TTC7A: variants seen among roughly 807,000 people sequenced by gnomAD.
TTC7A encodes tetratricopeptide repeat protein 7A.
A neutral mutation model predicts 103.7 loss-of-function variants in TTC7A; 110 were observed. That is an observed-to-expected ratio of 1.06 (90% CI 0.91 to 1.24). The LOEUF is 1.24. Ranked by LOEUF, TTC7A falls within the 50% of genes most tolerant of loss-of-function variation. The pLI is 0.00. For missense variants in TTC7A, 1,340 were observed against 1,116.3 expected, an observed-to-expected ratio of 1.20 and a Z score of -2.86; for synonymous variants, 521 against 467.9, an observed-to-expected ratio of 1.11 and a Z score of -1.47.
upstream of TTC7A, chr2:46,915,916 C>G: frequency 2.0e-6 from 2 of 985,090 alleles, no homozygotes; most frequent in Non-Finnish European, 2.4e-6. Context: ...GTGAGGACGG[C>G]TCGCGTGAGT....
At chr2:46,976,750 C>T (rs561071704) in intron 4 of TTC7A, among the ~76,000 whole-genome samples, 1 of 152,204 alleles carries the variant, frequency 6.6e-6, no homozygotes, top group African/African-American at 2.4e-5. Flanking sequence ...GTAGCACTAT[C>T]CCCCTTGTTG....
chr2:46,993,224 GA>G (rs1338407646), intron 5 of TTC7A, among the ~76,000 whole-genome samples: 9 of 152,218 alleles, frequency 5.9e-5, no homozygotes, highest in Non-Finnish European at 7.3e-5. Context: ...TTGCTGGGGG[GA>G]AAGAGGGAAA....
In TTC7A at chr2:47,007,481, G is replaced by A. The variant is rs765759063; in HGVS notation, c.1287+757G>A. 2.0e-5 allele frequency among the ~76,000 whole-genome samples: 3 copies of A among 152,210 alleles called. No individual in the cohort carries two copies. The highest frequency in any genetic ancestry group is 4.4e-5 in the Non-Finnish European group (3 of 68,020). ...ATAAGGTGGCATGAGCTTGCAGATT[G>A]TTCCAGGAGCTGTAAATATCCAGAG... On this transcript the variant is annotated intron_variant, in intron 10 of 19. Transcript: ENST00000319190. The surrounding 1 kb of genome is among the most constrained non-coding windows in gnomAD (Gnocchi z 4.9).
upstream of TTC7A, chr2:46,916,063 C>T (rs1668769757): frequency 1.0e-6 from 1 of 985,432 alleles, no homozygotes. Flanking sequence ...TAGGCAACGC[C>T]GGAAGCCCTC....
At chr2:46,960,467 T>C (rs1319928873) in intron 3 of TTC7A, among the ~76,000 whole-genome samples, 1 of 152,184 alleles carries the variant, frequency 6.6e-6, no homozygotes, top group Non-Finnish European at 1.5e-5. Context: ...CTGATGTATG[T>C]CTCTGATGTA....
chr2:47,003,999 G>T (rs973250848), intron 8 of TTC7A, among the ~76,000 whole-genome samples: 1 of 152,246 alleles, frequency 6.6e-6, no homozygotes, highest in Admixed American at 6.5e-5. Flanking sequence ...GTTGGTGGCT[G>T]TGTGGGTGGA....
At position 47,060,841 on chromosome 2, in the gene TTC7A, C is replaced by T. The variant is rs143675924; in HGVS notation, c.2225C>T (p.Pro742Leu). The T allele has an allele frequency of 1.2e-6, 2 of 1,614,060 alleles. No individual in the cohort carries two copies. The highest frequency in any genetic ancestry group is 2.2e-5 in the South Asian group (2 of 91,080). The part of the protein sequence containing the change: ...FCIQEAAGLF[P>L]TSHSVLYMRG... ...ATCCAGGAGGCGGCGGGCCTCTTCC[C>T]CACTTCTCACTCAGTACTCTATATG... The change falls in exon 19 of 20, where the codon CCC becomes CTC. Residue 742 changes from proline (P) to leucine (L), a missense_variant. Physicochemically the swap from Pro to Leu is moderately conservative, Grantham distance 98 (BLOSUM62 -3). Coordinates refer to ENST00000319190, the MANE Select transcript of TTC7A (RefSeq NM_020458.4).
chr2:46,937,102 C>T (rs576567776), upstream of TTC7A, among the ~76,000 whole-genome samples: 176 of 152,224 alleles, frequency 1.2e-3, 1 homozygote, highest in African/African-American at 4.1e-3. This position sits in a 1 kb window ranked among gnomAD's most constrained non-coding sequence, Gnocchi z 4.0. Flanking sequence ...GTGATCTGCC[C>T]ACCTTGGCCT....
intron 3 of TTC7A, chr2:46,958,514 G>A (rs955155533): frequency 7.7e-7 from 1 of 1,304,262 alleles, no homozygotes; most frequent in Non-Finnish European, 1.0e-6. Flanking sequence ...GGCTTCTTGG[G>A]GGAACACAGT....
Position 47,074,292 on chromosome 2 carries a change from A to G in TTC7A, c.*369A>G. On this transcript the variant is annotated 3_prime_UTR_variant, in exon 20 of 20. Transcript: ENST00000319190. ...ACTCCCCACTCTCAGCACAGTACAG[A>G]CTTCTGGATCTCTCTCAGGTCTTGC... 2.5e-5 allele frequency: 6 copies of G among 241,436 alleles called. No homozygotes were observed. The South Asian group carries it at 4.3e-4, about 17-fold the overall frequency. The allele number at this position is 241,436 out of a possible 1,614,324, so 15.0% of individuals were successfully genotyped here. A position where few individuals can be genotyped will look rare whatever the true frequency, so the allele number is the denominator to read the frequency against.
At chr2:46,975,642 C>T (rs966516404) in intron 4 of TTC7A, among the ~76,000 whole-genome samples, 4 of 151,884 alleles carry the variant, frequency 2.6e-5, no homozygotes, top group Non-Finnish European at 4.4e-5. Context: ...GCAGCGTTTG[C>T]GATAAGTATC....
intron 18 of TTC7A, among the ~76,000 whole-genome samples, chr2:47,052,795 G>T (rs914819977): frequency 6.6e-6 from 1 of 152,164 alleles, no homozygotes. Flanking sequence ...AGCTGCCCAC[G>T]TGAAGTTCTG....
rs1050186418 is a variant in TTC7A at position 47,007,847 on chromosome 2, C to G, written c.1287+1123C>G. On this transcript the variant is annotated intron_variant, in intron 10 of 19. Transcript: ENST00000319190. The surrounding 1 kb of genome is among the most constrained non-coding windows in gnomAD (Gnocchi z 4.9). ...GAGCATCTTGAAGTCACAGCATGAT[C>G]TCCTTGGCTCTGTGCTCAGCAGGGT... Among the ~76,000 whole-genome samples, 4 of 152,244 alleles carry G rather than the reference C, an allele frequency of 2.6e-5. No homozygotes were observed. The highest frequency in any genetic ancestry group is 9.6e-5 in the African/African-American group (4 of 41,470).
chr2:46,960,285 C>G (rs1672254469), intron 3 of TTC7A, among the ~76,000 whole-genome samples: 1 of 152,232 alleles, frequency 6.6e-6, no homozygotes, highest in Admixed American at 6.5e-5. Context: ...CTGTGGTCAG[C>G]TGCTCCCAAG....
At chr2:46,951,312 GAAA>G (rs941436371) in intron 2 of TTC7A, among the ~76,000 whole-genome samples, 1 of 142,828 alleles carries the variant, frequency 7.0e-6, no homozygotes, top group African/African-American at 2.6e-5. Context: ...GCAATTAAGA[GAAA>G]AAAAAAAAGA....
At position 47,046,440 on chromosome 2, in the gene TTC7A, C is replaced by G; in HGVS notation, c.1919+9C>G. On this transcript the variant is annotated intron_variant, in intron 16 of 19. Coordinates refer to ENST00000319190, the MANE Select transcript of TTC7A (RefSeq NM_020458.4). ...AGCTTCTCCCAGCTGGGGTGAGTGG[C>G]CGTCATTGTCTCTTGGGTTGCCAGA... The G allele has an allele frequency of 6.2e-7, 1 of 1,609,686 alleles. No individual in the cohort carries two copies. Among genetic ancestry groups the G allele is most frequent in the Non-Finnish European group, 8.5e-7 (1 of 1,176,086 alleles).
intron 3 of TTC7A, among the ~76,000 whole-genome samples, chr2:46,968,993 T>A (rs1040615588): frequency 6.6e-6 from 1 of 151,770 alleles, no homozygotes; most frequent in Non-Finnish European, 1.5e-5. Context: ...GGTCTCGAAC[T>A]TCTGGGCTCA....
chr2:47,040,696 G>A (rs970929098), intron 15 of TTC7A, among the ~76,000 whole-genome samples: 4 of 152,218 alleles, frequency 2.6e-5, no homozygotes, highest in Non-Finnish European at 5.9e-5. Context: ...CAAAGCAGGA[G>A]TCCCTTCCCT....
At chr2:46,975,178 T>C in intron 4 of TTC7A, 75 bp downstream of exon 4, 1 of 1,576,630 alleles carries the variant, frequency 6.3e-7, no homozygotes. Flanking sequence ...ACTAAACCCA[T>C]AGGTCACCTG....
Sources: gnomAD v4.1 joint callset for allele counts (sites outside exome capture counted in the v4.1 genomes callset) on GRCh38, gnomAD v4.1.1 for gene constraint, Gnocchi (gnomAD v3.1) non-coding constraint, MANE v1.5 for transcripts, NCBI Gene and HGNC (gene_info 2026-07-23, HGNC 2026-07-21) for gene names.